Variants in GPHN observed in about 807,000 individuals in gnomAD.
GPHN encodes gephyrin.
A neutral mutation model predicts 95.5 loss-of-function variants in GPHN; 17 were observed. The ratio of observed to expected loss-of-function variants is 0.18; its 90% CI spans 0.12 to 0.27. The LOEUF is 0.27. Among genes scored for constraint, GPHN ranks in the 10% least tolerant of loss-of-function variants. The pLI is 1.00. For missense variants in GPHN, 660 were observed against 978.1 expected (o/e 0.67, Z 4.34); for synonymous variants, 320 against 322.5 (o/e 0.99, Z 0.08).
At chr14:67,279,590 C>A in the GPHN span, 2 of 1,454,424 alleles carry the variant, frequency 1.4e-6, no homozygotes, top group Admixed American at 2.4e-5. Flanking sequence ...TTTATCTGTG[C>A]CTTATAATGT....
Position 66,837,620 on chromosome 14 carries a change from AAT to A in GPHN, c.294+13056_294+13057del, listed in dbSNP as rs1567000914. 4.5e-3 allele frequency among the ~76,000 whole-genome samples: 345 copies of A among 76,970 alleles called. 1 individual carries two copies. The highest frequency in any genetic ancestry group is 0.042 in the African/African-American group (320 of 7,624). The allele number at this position is 76,970 out of a possible 152,430, so 50.5% of individuals were successfully genotyped here. ...AAAAATAAATAAATAAATAAAAATAAATAAATAAATAAATAAATAAATAAATA... is the reference window on the plus strand; with the variant it reads ...AAAAATAAATAAATAAATAAAAATAAAAATAAATAAATAAATAAATAAATA... On this transcript the variant is annotated intron_variant, in intron 4 of 22. Coordinates refer to ENST00000478722, the MANE Select transcript of GPHN (RefSeq NM_020806.5).
chr14:67,045,589 G>A (rs1297490313), intron 10 of GPHN, among the ~76,000 whole-genome samples: 2 of 147,592 alleles, frequency 1.4e-5, no homozygotes, highest in African/African-American at 2.5e-5. Context: ...CTCAGTGTCT[G>A]TCTGTCTCTC....
At chr14:66,933,555 G>C (rs1160777997) in intron 8 of GPHN, among the ~76,000 whole-genome samples, 1 of 152,118 alleles carries the variant, frequency 6.6e-6, no homozygotes, top group East Asian at 1.9e-4. Context: ...TTAAAATCTT[G>C]TATTTAGAGA....
At chr14:67,708,167 G>T in the GPHN span, among the ~76,000 whole-genome samples, 1 of 152,162 alleles carries the variant, frequency 6.6e-6, no homozygotes, top group African/African-American at 2.4e-5. Flanking sequence ...GTATACTTTA[G>T]TCAATTGCTA....
chr14:67,379,698 AGG>A, the GPHN span, among the ~76,000 whole-genome samples: 1 of 113,736 alleles, frequency 8.8e-6, no homozygotes, highest in Non-Finnish European at 1.6e-5. Context: ...TCTGTCGCCC[AGG>A]CTGGAGTGCA....
chr14:66,519,229 G>T (rs1372027186), intron 1 of GPHN, among the ~76,000 whole-genome samples: 2 of 151,958 alleles, frequency 1.3e-5, no homozygotes, highest in Non-Finnish European at 2.9e-5. Flanking sequence ...TATAAAGAAT[G>T]TAATAATACA....
At chr14:66,915,917 G>A in intron 5 of GPHN, 86 bp from the exon 6 acceptor site, 1 of 810,894 alleles carries the variant, frequency 1.2e-6, no homozygotes, top group Non-Finnish European at 2.2e-6. Context: ...CACATGTAAA[G>A]TAAAATGATT....
the GPHN span, chr14:67,562,292 G>C: frequency 1.9e-6 from 3 of 1,613,762 alleles, no homozygotes; most frequent in Admixed American, 5.0e-5. Flanking sequence ...ACCTTCCCCA[G>C]GTGCCCTGCA....
the GPHN span, among the ~76,000 whole-genome samples, chr14:67,731,847 C>T: frequency 6.3e-4 from 96 of 151,914 alleles, no homozygotes; most frequent in African/African-American, 2.3e-3. Context: ...AAAAATTTTG[C>T]CAGGTGCAGT....
At chr14:66,603,382 G>A (rs754633200) in intron 1 of GPHN, among the ~76,000 whole-genome samples, 3 of 151,632 alleles carry the variant, frequency 2.0e-5, no homozygotes, top group Non-Finnish European at 3.0e-5. Flanking sequence ...CATACCGTAC[G>A]AACACTTTTG....
Position 66,599,677 on chromosome 14 carries a change from C to G in GPHN, c.65-81430C>G, listed in dbSNP as rs547346464. ...CTTCTTTTTCTTCCATTTTTGGCCT[C>G]TAATGTTTTCTTTACTTGTGTTGTT... On this transcript the variant is annotated intron_variant, in intron 1 of 22. Transcript: ENST00000478722. 4.0e-5 allele frequency among the ~76,000 whole-genome samples: 6 copies of G among 151,806 alleles called. No homozygotes were observed. The South Asian group carries it at 1.3e-3, about 32-fold the overall frequency.
At chr14:66,684,631 TTGAA>T (rs956030238) in intron 2 of GPHN, among the ~76,000 whole-genome samples, 3 of 152,214 alleles carry the variant, frequency 2.0e-5, no homozygotes, top group Non-Finnish European at 4.4e-5. Flanking sequence ...GTTACTGGGC[TTGAA>T]TGAACCAAGT....
intron 11 of GPHN, among the ~76,000 whole-genome samples, chr14:67,085,404 A>G (rs1463846359): frequency 6.6e-6 from 1 of 152,226 alleles, no homozygotes; most frequent in East Asian, 1.9e-4. Flanking sequence ...AAATCTTGCA[A>G]AAGCAGAAGA....
intron 1 of GPHN, among the ~76,000 whole-genome samples, chr14:66,664,862 A>G (rs2065856018): frequency 6.6e-6 from 1 of 152,084 alleles, no homozygotes; most frequent in South Asian, 2.1e-4. Flanking sequence ...CAACTAGAAA[A>G]TCTAGAATAA....
At chr14:67,592,585 T>C in the GPHN span, 8 of 1,088,512 alleles carry the variant, frequency 7.3e-6, no homozygotes, top group African/African-American at 6.2e-5. Context: ...ACATTCCTAA[T>C]GAAAAGGTTG....
chr14:67,028,824 C>T (rs1475373085), intron 10 of GPHN, among the ~76,000 whole-genome samples: 1 of 152,134 alleles, frequency 6.6e-6, no homozygotes, highest in Non-Finnish European at 1.5e-5. Flanking sequence ...GTTGACTCTA[C>T]TCTGTTGATT....
At chr14:66,555,433 C>T (rs1439616700) in intron 1 of GPHN, among the ~76,000 whole-genome samples, 5 of 152,118 alleles carry the variant, frequency 3.3e-5, no homozygotes, top group Non-Finnish European at 5.9e-5. Flanking sequence ...CAATGTGTGG[C>T]GTATGGTAGG....
chr14:67,724,672 T>C, the GPHN span: 39 of 1,089,900 alleles, frequency 3.6e-5, no homozygotes, highest in Non-Finnish European at 5.2e-5. Context: ...TATTGCTTTG[T>C]GTTTCCTCCT....
the GPHN span, among the ~76,000 whole-genome samples, chr14:67,305,844 C>T: frequency 6.6e-6 from 1 of 152,206 alleles, no homozygotes; most frequent in African/African-American, 2.4e-5. Context: ...CTGGTTTAAT[C>T]TGAAGACCAA....
Sources: allele counts gnomAD v4.1 joint callset (sites outside exome capture counted in the v4.1 genomes callset), GRCh38; gene constraint gnomAD v4.1.1; transcripts MANE v1.5; gene names NCBI Gene and HGNC (gene_info 2026-07-23, HGNC 2026-07-21).